TARBP2: variants seen among roughly 807,000 people sequenced by gnomAD.
TARBP2 encodes the protein TARBP2 subunit of RISC loading complex.
A neutral mutation model predicts 40.4 loss-of-function variants in TARBP2; 23 were observed. The observed-to-expected ratio is 0.57, with a 90% CI of 0.41 to 0.81. The LOEUF is 0.81. TARBP2 is among the 30% of genes least tolerant of loss of function. The pLI, the probability that TARBP2 is intolerant of heterozygous loss-of-function variation, is 0.00. For missense variants in TARBP2, 358 were observed against 473.7 expected (o/e 0.76, Z 2.27); for synonymous variants, 183 against 190.5 (o/e 0.96, Z 0.32).
rs752750622 is a variant in TARBP2 at position 53,504,590 on chromosome 12, C to G, written c.496-108C>G. 4 of 1,607,550 alleles carry G rather than the reference C, an allele frequency of 2.5e-6. No homozygotes were observed. In the South Asian group the frequency reaches 3.3e-5, roughly 13 times the overall value. The stretch of plus-strand genomic sequence containing the variant: ...TTGTACTGAGGCCCTTTCCACCCCC[C>G]TCTCTCCTTCCTCTCACCTAGAGTC... On this transcript the variant is annotated intron_variant, in intron 5 of 8. Coordinates refer to ENST00000266987, the MANE Select transcript of TARBP2 (RefSeq NM_134323.2).
intron 3 of TARBP2, 112 bp downstream of exon 3, chr12:53,503,241 C>T: frequency 7.0e-7 from 1 of 1,424,138 alleles, no homozygotes; most frequent in Non-Finnish European, 9.2e-7. Flanking sequence ...GACCTGGCCT[C>T]TTCCTGAGAG....
chr12:53,505,919 G>C lies in TARBP2; in HGVS notation c.943+69G>C. 6.2e-7 allele frequency: 1 copy of C among 1,604,884 alleles called. No homozygotes were observed. The highest frequency in any genetic ancestry group is 8.5e-7 in the Non-Finnish European group (1 of 1,172,824). Reference sequence around the variant, plus strand: ...ACCGGAGCAAGTAGAAGGGGGTGATGATAACGTGAACGCACCCCTCCCCAG... The same window carrying C: ...ACCGGAGCAAGTAGAAGGGGGTGATCATAACGTGAACGCACCCCTCCCCAG... On this transcript the variant is annotated intron_variant, in intron 8 of 8. Coordinates refer to ENST00000266987, the MANE Select transcript of TARBP2 (RefSeq NM_134323.2). This position sits in a 1 kb window ranked among gnomAD's most constrained non-coding sequence, Gnocchi z 4.5.
chr12:53,502,796 G>T, intron 2 of TARBP2: 1 of 406,562 alleles, frequency 2.5e-6, no homozygotes. Flanking sequence ...TCCACCCAAG[G>T]CGTTTGAGCT....
chr12:53,501,605 C>G (rs1391310345), intron 1 of TARBP2, 144 bp downstream of exon 1: 10 of 1,474,290 alleles, frequency 6.8e-6, no homozygotes, highest in Non-Finnish European at 9.0e-6. Flanking sequence ...CGGCGTGCAC[C>G]GGGGCAGTGG....
chr12:53,503,247 G>A, intron 3 of TARBP2, 118 bp downstream of exon 3: 1 of 1,423,932 alleles, frequency 7.0e-7, no homozygotes, highest in Non-Finnish European at 9.2e-7. Flanking sequence ...GCCTCTTCCT[G>A]AGAGTCCCTC....
intron 1 of TARBP2, 198 bp downstream of exon 1, chr12:53,501,659 C>T (rs1405615916): frequency 6.9e-7 from 1 of 1,444,872 alleles, no homozygotes; most frequent in African/African-American, 1.4e-5. Flanking sequence ...GCCCGGTTCC[C>T]AGACTGCACT....
upstream of TARBP2, chr12:53,501,235 T>A (rs1943685362): frequency 5.8e-6 from 4 of 684,210 alleles, no homozygotes; most frequent in Admixed American, 5.6e-5. Flanking sequence ...ATAGCTCCCC[T>A]CCAGATGGAG....
At chr12:53,504,280 C>A (rs1943856521) in intron 4 of TARBP2, 117 bp from the exon 5 acceptor site, 1 of 971,976 alleles carries the variant, frequency 1.0e-6, no homozygotes, top group Non-Finnish European at 1.5e-6. Context: ...AGCTCCCCAC[C>A]CGGTGGAATC....
chr12:53,505,807 G>GCT lies in TARBP2; in HGVS notation c.905_906dup (p.Glu303LeufsTer16). The GCT allele has an allele frequency of 6.2e-7, 1 of 1,614,054 alleles. No homozygotes were observed. Among genetic ancestry groups the GCT allele is most frequent in the Non-Finnish European group, 8.5e-7 (1 of 1,179,996 alleles). ...CTGCCTGCTGCCGTGTCCTCAGTGA[G>GCT]CTCTCTGAGGAGCAGGCCTTTCACG... On this transcript the variant is annotated frameshift_variant, in exon 8 of 9. Transcript: ENST00000266987. LOFTEE classifies it high-confidence loss of function. This position sits in a 1 kb window ranked among gnomAD's most constrained non-coding sequence, Gnocchi z 4.5.
At chr12:53,501,740 CAG>C in intron 1 of TARBP2, 3 of 1,424,026 alleles carry the variant, frequency 2.1e-6, no homozygotes, top group East Asian at 5.1e-5. Context: ...TGCACTGTGT[CAG>C]GGGGTATGCA....
chr12:53,501,451 G>A lies in TARBP2; in HGVS notation c.43G>A (p.Gly15Arg), dbSNP rs1943698225. 1 of 1,568,650 alleles carries A rather than the reference G, an allele frequency of 6.4e-7. No homozygotes were observed. The highest frequency in any genetic ancestry group is 1.2e-5 in the South Asian group (1 of 85,254). Residue 15 changes from glycine to arginine, a missense_variant, in exon 1 of 9, where the codon GGG (glycine) becomes AGG (arginine). Around this residue, in one of 3 missense-constraint regions of TARBP2, gnomAD observed 32 missense variants for 21.6 expected, o/e 1.48. Transcript: ENST00000266987. ...AGGCTCCGGCACTACCACGGGCTGC[G>A]GGCTGCCTAGGTGAGCCGTCTCGTA... ...EQGSGTTTGC[G>R]LPSIEQMLAA...
At chr12:53,503,317 G>A (rs1943804971) in intron 3 of TARBP2, 188 bp downstream of exon 3, 1 of 1,347,184 alleles carries the variant, frequency 7.4e-7, no homozygotes. Flanking sequence ...GGGGTGGAGG[G>A]GTTGGTTAGC....
rs1013516665 is a variant in TARBP2, at chr12:53,505,362, C to T, written c.741+100C>T. On this transcript the variant is annotated intron_variant, in intron 7 of 8. Coordinates refer to ENST00000266987, the MANE Select transcript of TARBP2 (RefSeq NM_134323.2). This position sits in a 1 kb window ranked among gnomAD's most constrained non-coding sequence, Gnocchi z 4.5. ...TGACTCAGCAGTGAGCCTCTCTGGGCCCTAGGTCTGCTTCTGCCACAGTTT... is the reference window on the plus strand; with the variant it reads ...TGACTCAGCAGTGAGCCTCTCTGGGTCCTAGGTCTGCTTCTGCCACAGTTT... 6.7e-7 allele frequency: 1 copy of T among 1,483,640 alleles called. No individual in the cohort carries two copies. Among genetic ancestry groups the T allele is most frequent in the Non-Finnish European group, 9.0e-7 (1 of 1,112,098 alleles). The allele number at this position is 1,483,640 out of a possible 1,614,324, so 91.9% of individuals were successfully genotyped here. A position where few individuals can be genotyped will look rare whatever the true frequency, so the allele number is the denominator to read the frequency against.
At chr12:53,504,083 C>G (rs1377670229) in intron 4 of TARBP2, 4 of 577,154 alleles carry the variant, frequency 6.9e-6, no homozygotes, top group South Asian at 2.2e-5. Context: ...CATGTCAGTT[C>G]TGTGTTTGAG....
chr12:53,503,987 T>A (rs1943843134), intron 4 of TARBP2, 179 bp downstream of exon 4: 1 of 613,818 alleles, frequency 1.6e-6, no homozygotes, highest in Non-Finnish European at 2.9e-6. Context: ...GGACAAGAGG[T>A]CATTTGTGAT....
rs776605822 is a variant in TARBP2 at position 53,502,197 on chromosome 12, T to A, written c.223+13T>A. 8 of 1,613,940 alleles carry A rather than the reference T, an allele frequency of 5.0e-6. No homozygotes were observed. The highest frequency in any genetic ancestry group is 6.8e-6 in the Non-Finnish European group (8 of 1,179,914). On this transcript the variant is annotated intron_variant, in intron 2 of 8. Coordinates refer to ENST00000266987, the MANE Select transcript of TARBP2 (RefSeq NM_134323.2). ...ACCAGCTGCACTGGTGAGGAAGGCT[T>A]GGGCAGCCTGGCTGGGGTGTGCATT...
chr12:53,504,360 C>CGG, intron 4 of TARBP2, 37 bp from the exon 5 acceptor site: 1 of 1,519,148 alleles, frequency 6.6e-7, no homozygotes, highest in Non-Finnish European at 8.8e-7. Context: ...AGATGGAACC[C>CGG]TTCACCTCAA....
At position 53,505,926 on chromosome 12, in the gene TARBP2, T is replaced by G. The variant is rs1943961720; in HGVS notation, c.944-65T>G. The G allele has an allele frequency of 5.6e-6, 9 of 1,604,552 alleles. No homozygotes were observed. Among genetic ancestry groups the G allele is most frequent in the Non-Finnish European group, 7.7e-6 (9 of 1,172,782 alleles). ...CAAGTAGAAGGGGGTGATGATAACG[T>G]GAACGCACCCCTCCCCAGGGCTACC... On this transcript the variant is annotated intron_variant, in intron 8 of 8. Transcript: ENST00000266987. The surrounding 1 kb of genome is among the most constrained non-coding windows in gnomAD (Gnocchi z 4.5).
chr12:53,504,993 C>G, intron 6 of TARBP2, 142 bp from the exon 7 acceptor site: 1 of 1,468,820 alleles, frequency 6.8e-7, no homozygotes, highest in Non-Finnish European at 9.2e-7. Context: ...CTCTGGCTGA[C>G]CAGGTTCTCA....
Sources: allele counts gnomAD v4.1 joint callset, GRCh38; gene constraint gnomAD v4.1.1; regional missense constraint gnomAD v4.1.1; non-coding constraint Gnocchi (gnomAD v3.1); transcripts MANE v1.5; gene names NCBI Gene and HGNC (gene_info 2026-07-23, HGNC 2026-07-21).